The following TNFAIP8L3 variants were observed in gnomAD, a reference collection of about 807,000 sequenced individuals.
TNFAIP8L3 encodes tumor necrosis factor alpha-induced protein 8-like protein 3.
Under a neutral mutation model 11.8 loss-of-function variants are expected in TNFAIP8L3, and 7 were observed. The ratio of observed to expected loss-of-function variants is 0.59; its 90% CI spans 0.34 to 1.11. The LOEUF is 1.11. TNFAIP8L3 is among the 50% of genes most tolerant of loss of function. The pLI, the probability that TNFAIP8L3 is intolerant of heterozygous loss-of-function variation, is 0.03. For synonymous variants in TNFAIP8L3, 98 were observed against 103.8 expected (o/e 0.94, Z 0.34); for missense variants, 219 against 258.6 (o/e 0.85, Z 1.05).
At chr15:51,087,937 A>ATATATATATATATG (rs2065441742) in intron 1 of TNFAIP8L3, among the ~76,000 whole-genome samples, 1 of 139,838 alleles carries the variant, frequency 7.2e-6, no homozygotes, top group South Asian at 2.3e-4. Context: ...ATATATATAT[A>ATATATATATATATG]TATATGGGAA....
intron 1 of TNFAIP8L3, among the ~76,000 whole-genome samples, chr15:51,059,480 A>G (rs2065228837): frequency 6.6e-6 from 1 of 152,212 alleles, no homozygotes; most frequent in South Asian, 2.1e-4. Flanking sequence ...AATACTCTAC[A>G]AGGCCACCAA....
chr15:51,096,546 G>A (rs1182613566), upstream of TNFAIP8L3, among the ~76,000 whole-genome samples: 1 of 152,140 alleles, frequency 6.6e-6, no homozygotes. Context: ...TAGATTGAAT[G>A]GATCCCATTT....
chr15:51,082,818 C>G (rs2065401972), intron 1 of TNFAIP8L3, among the ~76,000 whole-genome samples: 3 of 152,148 alleles, frequency 2.0e-5, no homozygotes, highest in Admixed American at 2.0e-4. Flanking sequence ...TCAAGATCGT[C>G]AAAACATCAT....
chr15:51,063,258 G>A (rs1472696554), intron 1 of TNFAIP8L3, among the ~76,000 whole-genome samples: 4 of 152,210 alleles, frequency 2.6e-5, no homozygotes, highest in African/African-American at 9.7e-5. Flanking sequence ...AGATGTAGCA[G>A]TCTTGATTTT....
intron 1 of TNFAIP8L3, among the ~76,000 whole-genome samples, chr15:51,077,792 T>C (rs1274364363): frequency 6.6e-6 from 1 of 152,194 alleles, no homozygotes; most frequent in Admixed American, 6.5e-5. Context: ...TTTCGCGCCT[T>C]GGGCAGGGGG....
intron 1 of TNFAIP8L3, among the ~76,000 whole-genome samples, chr15:51,072,196 A>G (rs990869473): frequency 2.6e-5 from 4 of 152,076 alleles, no homozygotes; most frequent in Non-Finnish European, 5.9e-5. Flanking sequence ...GCTGGAGTGC[A>G]ATGGCACGAT....
chr15:51,057,620 CA>C lies in TNFAIP8L3; in HGVS notation c.*260del. Reference sequence around the variant, plus strand: ...GATGAACAGCACTCACTGTAATGAACAAAACAGCCTTTCTGCTTAGAATAGA... The same window carrying C: ...GATGAACAGCACTCACTGTAATGAACAAACAGCCTTTCTGCTTAGAATAGA... On this transcript the variant is annotated 3_prime_UTR_variant, in exon 2 of 2. Coordinates refer to ENST00000637513, the MANE Select transcript of TNFAIP8L3 (RefSeq NM_001311175.2). 1 of 375,288 alleles carries C rather than the reference CA, an allele frequency of 2.7e-6. No individual in the cohort carries two copies. Among genetic ancestry groups the C allele is most frequent in the Non-Finnish European group, 4.8e-6 (1 of 208,506 alleles). The allele number at this position is 375,288 out of a possible 1,614,324, so 23.2% of individuals were successfully genotyped here. A position where few individuals can be genotyped will look rare whatever the true frequency, so the allele number is the denominator to read the frequency against.
At chr15:51,077,592 C>T (rs2065361995) in intron 1 of TNFAIP8L3, among the ~76,000 whole-genome samples, 1 of 152,294 alleles carries the variant, frequency 6.6e-6, no homozygotes, top group Middle Eastern at 3.4e-3. Context: ...AGGAGACAGC[C>T]AAGGGGTCCC....
At chr15:51,105,045 G>A (rs1244360956) in exon 1 of TNFAIP8L3, 2 of 1,614,208 alleles carry the variant, frequency 1.2e-6, no homozygotes, top group South Asian at 2.2e-5. Flanking sequence ...ATAAGGGGAT[G>A]AGTCTTGTTT....
intron 1 of TNFAIP8L3, among the ~76,000 whole-genome samples, chr15:51,101,636 A>T (rs1295145770): frequency 1.3e-5 from 2 of 151,246 alleles, no homozygotes; most frequent in Non-Finnish European, 2.9e-5. Context: ...AAAAAAAAAA[A>T]AGAAAGAAAG....
chr15:51,070,812 C>T (rs1156769367), intron 1 of TNFAIP8L3, among the ~76,000 whole-genome samples: 1 of 151,372 alleles, frequency 6.6e-6, no homozygotes, highest in Non-Finnish European at 1.5e-5. Flanking sequence ...TTTGGGAGGC[C>T]AAGGCGGGCG....
upstream of TNFAIP8L3, among the ~76,000 whole-genome samples, chr15:51,096,292 A>T (rs1309751168): frequency 6.6e-6 from 1 of 152,150 alleles, no homozygotes; most frequent in Non-Finnish European, 1.5e-5. Context: ...TTTTCAGAAA[A>T]CAAAGGATGG....
rs569766314 is a variant in TNFAIP8L3 at position 51,091,270 on chromosome 15, A to G, written c.52+3274T>C. 5.3e-5 allele frequency among the ~76,000 whole-genome samples: 8 copies of G among 152,320 alleles called. No individual in the cohort carries two copies. In the East Asian group the frequency reaches 7.7e-4, roughly 15 times the overall value. On this transcript the variant is annotated intron_variant, in intron 1 of 1. Transcript: ENST00000637513. Reference sequence around the variant, plus strand: ...ACCCTCCACTGCAGCGTGTTGCTCTATGAGAGATCTGCTCTGCACGCACAA... The same window carrying G: ...ACCCTCCACTGCAGCGTGTTGCTCTGTGAGAGATCTGCTCTGCACGCACAA...
Position 51,056,769 on chromosome 15 carries a change from G to C in TNFAIP8L3, c.*1112C>G, listed in dbSNP as rs1227767020. 6.6e-6 allele frequency: 1 copy of C among 152,090 alleles called. No individual in the cohort carries two copies. The highest frequency in any genetic ancestry group is 1.5e-5 in the Non-Finnish European group (1 of 68,018). The allele number at this position is 152,090 out of a possible 1,614,324, so 9.4% of individuals were successfully genotyped here. A position where few individuals can be genotyped will look rare whatever the true frequency, so the allele number is the denominator to read the frequency against. On this transcript the variant is annotated 3_prime_UTR_variant, in exon 2 of 2. Transcript: ENST00000637513. Reference sequence around the variant, plus strand: ...GATAAGGGAAGGCTGGTCCTGCAGAGGGAGCACAGTGCTTCTCTGTTTCTA... The same window carrying C: ...GATAAGGGAAGGCTGGTCCTGCAGACGGAGCACAGTGCTTCTCTGTTTCTA...
At chr15:51,073,226 C>T (rs1364470592) in intron 1 of TNFAIP8L3, among the ~76,000 whole-genome samples, 1 of 152,138 alleles carries the variant, frequency 6.6e-6, no homozygotes, top group Non-Finnish European at 1.5e-5. Context: ...AAACTCCCGA[C>T]CTCAGGTGAT....
rs2065233676 is a variant in TNFAIP8L3 at position 51,060,204 on chromosome 15, GC to G, written c.53-1762del. On this transcript the variant is annotated intron_variant, in intron 1 of 1. Coordinates refer to ENST00000637513, the MANE Select transcript of TNFAIP8L3 (RefSeq NM_001311175.2). ...CTCATCATCTACCATGATCACTAGA[GC>G]TTTGTGTGAATAGCTTTTGTTCTCT... Among the ~76,000 whole-genome samples the G allele has an allele frequency of 2.0e-5, 3 of 152,314 alleles. No homozygotes were observed. In the South Asian group the frequency reaches 6.2e-4, roughly 32 times the overall value.
intron 1 of TNFAIP8L3, among the ~76,000 whole-genome samples, chr15:51,060,728 G>A (rs765225820): frequency 6.6e-6 from 1 of 152,218 alleles, no homozygotes; most frequent in African/African-American, 2.4e-5. Flanking sequence ...GCATTTTCCC[G>A]AGGCTTTCCT....
intron 1 of TNFAIP8L3, 51 bp from the exon 2 acceptor site, chr15:51,058,494 G>T: frequency 7.2e-7 from 1 of 1,389,710 alleles, no homozygotes; most frequent in Non-Finnish European, 9.4e-7. Flanking sequence ...AGAACTGTCT[G>T]TTACTTTTCC....
intron 1 of TNFAIP8L3, among the ~76,000 whole-genome samples, chr15:51,082,872 C>T (rs2065402480): frequency 6.6e-6 from 1 of 152,168 alleles, no homozygotes; most frequent in South Asian, 2.1e-4. Flanking sequence ...CTAGGGACTA[C>T]TATCACGTCC....
Sources: allele counts gnomAD v4.1 joint callset (sites outside exome capture counted in the v4.1 genomes callset), GRCh38; gene constraint gnomAD v4.1.1; transcripts MANE v1.5; gene names NCBI Gene and HGNC (gene_info 2026-07-23, HGNC 2026-07-21).